The following SMTNL1 variants were observed in gnomAD, a reference collection of about 807,000 sequenced individuals.
SMTNL1 encodes the protein smoothelin like 1, also known as smoothelin-like protein 1.
SMTNL1 carries 41 observed loss-of-function variants against 46.6 expected under a neutral mutation model. The observed-to-expected ratio is 0.88, with a 90% CI of 0.69 to 1.14. The LOEUF is 1.14. Among genes scored for constraint, SMTNL1 ranks in the 50% most tolerant of loss-of-function variants. The probability of loss-of-function intolerance (pLI) is 0.00; values close to 1 mark genes in which losing one functional copy is unlikely to be tolerated. For missense variants in SMTNL1, 591 were observed against 626.1 expected (o/e 0.94, Z 0.60); for synonymous variants, 234 against 234.2 (o/e 1.00, Z 0.01).
In SMTNL1 at chr11:57,542,145, A is replaced by C. The variant is rs560643545; in HGVS notation, c.-2-496A>C. The stretch of plus-strand genomic sequence containing the variant: ...ACACACACACACACACACACACACA[A>C]AAATTAGCCAGGTGTGGTGGTAAGC... On this transcript the variant is annotated intron_variant, in intron 1 of 7. Transcript: ENST00000527972. 8.5e-4 allele frequency among the ~76,000 whole-genome samples: 126 copies of C among 148,984 alleles called. 1 individual carries two copies. The highest frequency in any genetic ancestry group is 3.1e-3 in the Admixed American group (46 of 15,074).
In SMTNL1 at chr11:57,541,571, CT is replaced by C. The variant is rs544198952; in HGVS notation, c.-2-1068del. The C allele has an allele frequency of 3.4e-3, 4,602 of 1,366,448 alleles. 11 individuals are homozygous for C. Among genetic ancestry groups the C allele is most frequent in the Non-Finnish European group, 4.1e-3 (4,158 of 1,021,258 alleles). The allele number at this position is 1,366,448 out of a possible 1,614,324, so 84.6% of individuals were successfully genotyped here. On this transcript the variant is annotated intron_variant, in intron 1 of 7. Transcript: ENST00000527972. ...AGGCCAGGGAGAGTACGGCTCCATT[CT>C]TCACTCAAGGAAACGCTTCCTTGCC...
At position 57,543,724 on chromosome 11, in the gene SMTNL1, G is replaced by A; in HGVS notation, c.833G>A (p.Ser278Asn). Residue 278 changes from serine (S) to asparagine (N), a missense_variant, in exon 3 of 8, where the codon AGC (serine) becomes AAC (asparagine). Physicochemically the swap from Ser to Asn is conservative, Grantham distance 46 (BLOSUM62 1). Transcript: ENST00000527972. Reference protein sequence around the residue: ...IPSSPEEWPESPTGEGHNLST... With the variant: ...IPSSPEEWPENPTGEGHNLST... ...AGCTCCCCAGAGGAGTGGCCTGAGAGCCCCACTGGGGAGGGGCACAACCTC... is the reference window on the plus strand; with the variant it reads ...AGCTCCCCAGAGGAGTGGCCTGAGAACCCCACTGGGGAGGGGCACAACCTC... The A allele has an allele frequency of 6.4e-7, 1 of 1,568,148 alleles. No individual in the cohort carries two copies.
chr11:57,544,776 G>T (rs567242962), intron 4 of SMTNL1, among the ~76,000 whole-genome samples: 1 of 151,824 alleles, frequency 6.6e-6, no homozygotes, highest in Admixed American at 6.6e-5. Flanking sequence ...GCTTGCCATT[G>T]CACAACTTCA....
At chr11:57,545,848 C>T (rs1944916670) in intron 4 of SMTNL1, 33 bp from the exon 5 acceptor site, 2 of 1,596,764 alleles carry the variant, frequency 1.3e-6, no homozygotes, top group South Asian at 2.3e-5. Flanking sequence ...TGGTCCCAGC[C>T]TCTCTCACAC....
chr11:57,541,680 C>T (rs1944879061), intron 1 of SMTNL1: 7 of 1,017,100 alleles, frequency 6.9e-6, no homozygotes, highest in South Asian at 3.3e-5. Flanking sequence ...TCCCAAATTT[C>T]AGCCATTTTT....
intron 1 of SMTNL1, among the ~76,000 whole-genome samples, chr11:57,538,255 G>A (rs538845394): frequency 1.8e-3 from 280 of 152,288 alleles, no homozygotes; most frequent in Admixed American, 5.0e-3. Context: ...AGATGAGGCT[G>A]CAGTGGGTGG....
chr11:57,547,526 T>A (rs1397369818), intron 7 of SMTNL1, among the ~76,000 whole-genome samples: 2 of 152,186 alleles, frequency 1.3e-5, no homozygotes, highest in Non-Finnish European at 2.9e-5. Context: ...TCACAGGGCT[T>A]GTTGTGAAGA....
chr11:57,545,285 C>T (rs1431228319), intron 4 of SMTNL1, among the ~76,000 whole-genome samples: 1 of 152,074 alleles, frequency 6.6e-6, no homozygotes, highest in Non-Finnish European at 1.5e-5. Context: ...AACAATGTGA[C>T]AGTCCCAAGA....
intron 7 of SMTNL1, among the ~76,000 whole-genome samples, chr11:57,549,119 G>A (rs1024433414): frequency 3.3e-5 from 5 of 151,188 alleles, no homozygotes; most frequent in Non-Finnish European, 7.4e-5. Context: ...TCCACCTCCT[G>A]GGTTCGAGTG....
At chr11:57,549,777 C>G (rs1452136016) in intron 7 of SMTNL1, among the ~76,000 whole-genome samples, 191 bp from the exon 8 acceptor site, 3 of 152,184 alleles carry the variant, frequency 2.0e-5, no homozygotes, top group East Asian at 3.9e-4. Flanking sequence ...CTGGGTTTGT[C>G]TTAACTCTGT....
rs146653356 is a variant in SMTNL1 at position 57,549,982 on chromosome 11, G to A, written c.1355G>A (p.Cys452Tyr). Reference sequence around the variant, plus strand: ...CCATTCCTTAGGAAACTGGCTGACTGTGCTCAGCTGCTGGACGTGGATGAC... The same window carrying A: ...CCATTCCTTAGGAAACTGGCTGACTATGCTCAGCTGCTGGACGTGGATGAC... ...AFSTAEKLADCAQLLDVDDMV... is the reference protein window; with the variant it reads ...AFSTAEKLADYAQLLDVDDMV... Residue 452 changes from cysteine (C) to tyrosine (Y), a missense_variant, in exon 8 of 8, where the codon TGT becomes TAT. Coordinates refer to ENST00000527972, the MANE Select transcript of SMTNL1 (RefSeq NM_001105565.3). The A allele has an allele frequency of 1.4e-5, 22 of 1,613,964 alleles. No individual in the cohort carries two copies. The highest frequency in any genetic ancestry group is 1.8e-5 in the Non-Finnish European group (21 of 1,179,878).
Position 57,543,119 on chromosome 11 carries a change from G to A in SMTNL1, c.477G>A (p.Lys159=). Residue 159 remains lysine, a synonymous_variant, in exon 2 of 8, where the codon AAG becomes AAA. Coordinates refer to ENST00000527972, the MANE Select transcript of SMTNL1 (RefSeq NM_001105565.3). The part of the protein sequence containing the change: ...GQKADANDRD[K]PEPKATVEEE... The stretch of plus-strand genomic sequence containing the variant: ...AAGCCGATGCCAATGACAGAGACAA[G>A]CCTGAACCTAAGGCAACAGTTGAGG... 2 of 1,612,878 alleles carry A rather than the reference G, an allele frequency of 1.2e-6. No homozygotes were observed. Among genetic ancestry groups the A allele is most frequent in the Admixed American group, 1.7e-5 (1 of 59,756 alleles).
At chr11:57,548,347 T>C (rs1944935775) in intron 7 of SMTNL1, among the ~76,000 whole-genome samples, 1 of 152,078 alleles carries the variant, frequency 6.6e-6, no homozygotes, top group South Asian at 2.1e-4. Context: ...CATGACTTAC[T>C]CTAAGAGGCC....
chr11:57,546,354 A>C lies in SMTNL1; in HGVS notation c.1188+7A>C. 7.2e-7 allele frequency: 1 copy of C among 1,398,086 alleles called. No individual in the cohort carries two copies. Among genetic ancestry groups the C allele is most frequent in the South Asian group, 1.2e-5 (1 of 86,064 alleles). 86.6% of individuals were successfully genotyped at this position (1,398,086 alleles called of 1,614,324 possible). ...CATGACAAAAAAATACGAGGTGGGC[A>C]TGGGGCAGAGCTGCGTGGGTGGGGC... On this transcript the variant is annotated splice_region_variant and intron_variant, in intron 6 of 7. Coordinates refer to ENST00000527972, the MANE Select transcript of SMTNL1 (RefSeq NM_001105565.3).
intron 1 of SMTNL1, among the ~76,000 whole-genome samples, chr11:57,540,691 CCAT>C (rs997706985): frequency 2.0e-5 from 3 of 152,072 alleles, no homozygotes; most frequent in Admixed American, 2.0e-4. Flanking sequence ...TGATGTGCGT[CCAT>C]CCCCCTGGCT....
intron 1 of SMTNL1, 138 bp from the exon 2 acceptor site, chr11:57,542,503 G>C: frequency 1.0e-6 from 1 of 959,222 alleles, no homozygotes; most frequent in Non-Finnish European, 1.5e-6. Flanking sequence ...TCTCCTTCGT[G>C]ATTGGGCCCC....
At position 57,546,307 on chromosome 11, in the gene SMTNL1, T is replaced by C. The variant is rs1944923115; in HGVS notation, c.1148T>C (p.Met383Thr). The C allele has an allele frequency of 6.2e-7, 1 of 1,611,444 alleles. No individual in the cohort carries two copies. The highest frequency in any genetic ancestry group is 1.3e-5 in the African/African-American group (1 of 74,962). Reference protein sequence around the residue: ...AGAAIGGVKNMLLEWCRAMTK... With the variant: ...AGAAIGGVKNTLLEWCRAMTK... ...GCAGCCATTGGTGGTGTCAAGAACA[T>C]GCTCTTGGAGTGGTGCCGAGCCATG... is the stretch of plus-strand genomic sequence containing the variant. Residue 383 changes from methionine to threonine, a missense_variant, in exon 6 of 8, where the codon ATG becomes ACG. By Grantham distance (81) the Met-to-Thr change is moderately conservative. Coordinates refer to ENST00000527972, the MANE Select transcript of SMTNL1 (RefSeq NM_001105565.3).
rs570413222 is a variant in SMTNL1 at position 57,546,593 on chromosome 11, C to T, written c.1281C>T (p.Tyr427=). 61 of 1,613,952 alleles carry T rather than the reference C, an allele frequency of 3.8e-5. No individual in the cohort carries two copies. The highest frequency in any genetic ancestry group is 4.7e-5 in the Non-Finnish European group (55 of 1,179,938). The part of the protein sequence containing the change: ...IHKFFPDAFD[Y]AELDPAKRRH... ...AGTTCTTCCCTGACGCCTTTGACTA[C>T]GCAGAGCTGGATCCCGCAAAGCGCC... The change falls in exon 7 of 8, where the codon TAC becomes TAT. Residue 427 remains tyrosine, a synonymous_variant. Coordinates refer to ENST00000527972, the MANE Select transcript of SMTNL1 (RefSeq NM_001105565.3).
intron 1 of SMTNL1, among the ~76,000 whole-genome samples, chr11:57,539,857 A>G (rs1944859236): frequency 6.6e-6 from 1 of 152,210 alleles, no homozygotes; most frequent in South Asian, 2.1e-4. Flanking sequence ...CAGAAATCAA[A>G]ACACAGAGAG....
Sources: allele counts gnomAD v4.1 joint callset (sites outside exome capture counted in the v4.1 genomes callset), GRCh38; gene constraint gnomAD v4.1.1; transcripts MANE v1.5; gene names NCBI Gene and HGNC (gene_info 2026-07-23, HGNC 2026-07-21).